The following TMEM50A variants were observed in gnomAD, a reference collection of about 807,000 sequenced individuals.
The protein encoded by TMEM50A is cervical cancer oncogene 9.
A neutral mutation model predicts 23.9 loss-of-function variants in TMEM50A; 8 were observed. The observed-to-expected ratio is 0.33, with a 90% confidence interval of 0.20 to 0.60. The LOEUF (loss-of-function observed/expected upper bound fraction) is 0.60. TMEM50A is among the 20% of genes least tolerant of loss of function. The probability of loss-of-function intolerance (pLI) is 0.81; values close to 1 mark genes in which losing one functional copy is unlikely to be tolerated. For synonymous variants in TMEM50A, 55 were observed against 60.4 expected (o/e 0.91, Z 0.41); for missense variants, 178 against 192.7 (o/e 0.92, Z 0.45).
At chr1:25,348,290 A>G (rs1280919929) in intron 3 of TMEM50A, among the ~76,000 whole-genome samples, 1 of 152,230 alleles carries the variant, frequency 6.6e-6, no homozygotes, top group Non-Finnish European at 1.5e-5. Context: ...TCTTTCATTA[A>G]TGACTTTATT....
chr1:25,343,953 AACTTT>A (rs1645189163), intron 3 of TMEM50A, among the ~76,000 whole-genome samples: 1 of 152,170 alleles, frequency 6.6e-6, no homozygotes, highest in South Asian at 2.1e-4. Flanking sequence ...GCATTATAAG[AACTTT>A]ACTTTCAGCT....
chr1:25,349,449 T>A (rs1645254706), intron 3 of TMEM50A, among the ~76,000 whole-genome samples: 1 of 152,112 alleles, frequency 6.6e-6, no homozygotes, highest in Admixed American at 6.6e-5. Context: ...TATTTGTGTT[T>A]TACTTTTATA....
chr1:25,352,821 T>C lies in TMEM50A; in HGVS notation c.275-61T>C. 3 of 1,488,372 alleles carry C rather than the reference T, an allele frequency of 2.0e-6. No individual in the cohort carries two copies. The South Asian group carries it at 3.8e-5, about 19-fold the overall frequency. The allele number at this position is 1,488,372 out of a possible 1,614,324, so 92.2% of individuals were successfully genotyped here. A position where few individuals can be genotyped will look rare whatever the true frequency, so the allele number is the denominator to read the frequency against. On this transcript the variant is annotated intron_variant, in intron 4 of 6. Coordinates refer to ENST00000374358, the MANE Select transcript of TMEM50A (RefSeq NM_014313.4). Reference sequence around the variant, plus strand: ...TTTCTGTTTGGGTTTTATTTTCTTTTTGAAAGTTAATTGTACTGCCCTATA... The same window carrying C: ...TTTCTGTTTGGGTTTTATTTTCTTTCTGAAAGTTAATTGTACTGCCCTATA...
intron 3 of TMEM50A, 103 bp from the exon 4 acceptor site, chr1:25,351,523 A>G: frequency 6.0e-6 from 6 of 996,252 alleles, no homozygotes; most frequent in East Asian, 2.8e-5. Flanking sequence ...AAAAAAAAAA[A>G]AAGACTTTCA....
chr1:25,340,085 C>T (rs1281133490), intron 1 of TMEM50A, among the ~76,000 whole-genome samples: 3 of 152,016 alleles, frequency 2.0e-5, no homozygotes, highest in Admixed American at 6.6e-5. Context: ...TACAGACATG[C>T]GCCACCACCC....
chr1:25,357,724 G>A (rs1256200810), intron 6 of TMEM50A, among the ~76,000 whole-genome samples: 2 of 151,698 alleles, frequency 1.3e-5, no homozygotes, highest in East Asian at 1.9e-4. Flanking sequence ...TGCAACCTCC[G>A]CCTCCCGGGT....
intron 3 of TMEM50A, among the ~76,000 whole-genome samples, chr1:25,344,589 A>G (rs1162850881): frequency 6.6e-6 from 1 of 151,508 alleles, no homozygotes; most frequent in Non-Finnish European, 1.5e-5. Context: ...CTTGTTTGCC[A>G]GGCTGGTCTT....
intron 3 of TMEM50A, among the ~76,000 whole-genome samples, chr1:25,351,159 C>T (rs181079560): frequency 3.5e-5 from 5 of 141,424 alleles, no homozygotes; most frequent in African/African-American, 8.3e-5. Flanking sequence ...AGCGAGACTC[C>T]GTCTCAAAAA....
chr1:25,359,002 G>A (rs1262031780), intron 6 of TMEM50A, among the ~76,000 whole-genome samples: 5 of 152,158 alleles, frequency 3.3e-5, no homozygotes, highest in East Asian at 1.9e-4. Flanking sequence ...CGATCTGCCC[G>A]CCTTGGCCTC....
chr1:25,340,625 G>A (rs760376314), intron 2 of TMEM50A, 46 bp downstream of exon 2: 2 of 1,461,262 alleles, frequency 1.4e-6, no homozygotes, highest in Non-Finnish European at 1.9e-6. Context: ...GTGCGTTTGT[G>A]TTTATGGGTT....
chr1:25,345,798 T>A lies in TMEM50A; in HGVS notation c.206+2725T>A, dbSNP rs138445022. 9.7e-4 allele frequency among the ~76,000 whole-genome samples: 147 copies of A among 151,794 alleles called. 1 individual carries two copies. In the East Asian group the frequency reaches 0.012, roughly 12 times the overall value. ...TTTTAGTTTGTTTATTTATTTATTT[T>A]TTTTTTTGAGATGGAGTTTTGCTCT... On this transcript the variant is annotated intron_variant, in intron 3 of 6. Coordinates refer to ENST00000374358, the MANE Select transcript of TMEM50A (RefSeq NM_014313.4).
intron 2 of TMEM50A, among the ~76,000 whole-genome samples, chr1:25,341,614 G>C (rs1261460511): frequency 6.6e-6 from 1 of 152,090 alleles, no homozygotes; most frequent in African/African-American, 2.4e-5. Flanking sequence ...CCCGACCTCA[G>C]ATGATCTGTC....
At position 25,343,815 on chromosome 1, in the gene TMEM50A, G is replaced by A. The variant is rs139311634; in HGVS notation, c.206+742G>A. Among the ~76,000 whole-genome samples, 132 of 152,302 alleles carry A rather than the reference G, an allele frequency of 8.7e-4. 1 individual carries two copies. Among genetic ancestry groups the A allele is most frequent in the African/African-American group, 3.1e-3 (130 of 41,566 alleles). On this transcript the variant is annotated intron_variant, in intron 3 of 6. Coordinates refer to ENST00000374358, the MANE Select transcript of TMEM50A (RefSeq NM_014313.4). Reference sequence around the variant, plus strand: ...TAAGAGAGGTTCATTCCAGGCAGGTGAAACAGCAAGTACAAAGGCTTTACG... The same window carrying A: ...TAAGAGAGGTTCATTCCAGGCAGGTAAAACAGCAAGTACAAAGGCTTTACG...
chr1:25,346,996 G>A (rs1374936648), intron 3 of TMEM50A, among the ~76,000 whole-genome samples: 3 of 152,046 alleles, frequency 2.0e-5, no homozygotes, highest in Non-Finnish European at 4.4e-5. Flanking sequence ...TCCAGCCCAG[G>A]AGACAGAGTG....
intron 5 of TMEM50A, among the ~76,000 whole-genome samples, chr1:25,356,289 T>C (rs1173563316): frequency 6.6e-6 from 1 of 152,156 alleles, no homozygotes; most frequent in Non-Finnish European, 1.5e-5. Context: ...CTGTCCCTGC[T>C]CTTCCCTCTT....
At position 25,358,009 on chromosome 1, in the gene TMEM50A, G is replaced by A. The variant is rs575813151; in HGVS notation, c.428+1156G>A. On this transcript the variant is annotated intron_variant, in intron 6 of 6. Transcript: ENST00000374358. Reference sequence around the variant, plus strand: ...GTCGCCCAGGCTGGAATGCAGTGGCGTGATCTTGGCTCCCTGCAAACTCTG... The same window carrying A: ...GTCGCCCAGGCTGGAATGCAGTGGCATGATCTTGGCTCCCTGCAAACTCTG... Among the ~76,000 whole-genome samples, 37 of 140,576 alleles carry A rather than the reference G, an allele frequency of 2.6e-4. 1 individual carries two copies. In the South Asian group the frequency reaches 2.7e-3, roughly 10 times the overall value. The allele number at this position is 140,576 out of a possible 152,430, so 92.2% of individuals were successfully genotyped here. A position where few individuals can be genotyped will look rare whatever the true frequency, so the allele number is the denominator to read the frequency against.
At chr1:25,346,229 A>G (rs1157496353) in intron 3 of TMEM50A, among the ~76,000 whole-genome samples, 1 of 138,056 alleles carries the variant, frequency 7.2e-6, no homozygotes, top group East Asian at 2.0e-4. Flanking sequence ...TTAGGGATCA[A>G]CTCTCTCTGT....
chr1:25,348,748 T>G (rs926898874), intron 3 of TMEM50A, among the ~76,000 whole-genome samples: 1 of 152,000 alleles, frequency 6.6e-6, no homozygotes, highest in African/African-American at 2.4e-5. Flanking sequence ...CTCACCAAAC[T>G]ATAACATTTT....
rs1645275407 is a variant in TMEM50A at position 25,351,524 on chromosome 1, A to C, written c.207-102A>C. The C allele has an allele frequency of 4.2e-6, 4 of 956,464 alleles. No homozygotes were observed. In the South Asian group the frequency reaches 5.7e-5, roughly 14 times the overall value. 59.2% of individuals were successfully genotyped at this position (956,464 alleles called of 1,614,324 possible). ...ACCCTGTATCTTTAAAAAAAAAAAA[A>C]AGACTTTCAGGCCTAACCTTACATT... is the stretch of plus-strand genomic sequence containing the variant. On this transcript the variant is annotated intron_variant, in intron 3 of 6. Coordinates refer to ENST00000374358, the MANE Select transcript of TMEM50A (RefSeq NM_014313.4).
Sources: gnomAD v4.1 joint callset for allele counts (sites outside exome capture counted in the v4.1 genomes callset) on GRCh38, gnomAD v4.1.1 for gene constraint, MANE v1.5 for transcripts, NCBI Gene and HGNC (gene_info 2026-07-23, HGNC 2026-07-21) for gene names.